RNLS: variants seen among roughly 807,000 people sequenced by gnomAD.
The protein encoded by RNLS is renalase.
A neutral mutation model predicts 39.8 loss-of-function variants in RNLS; 39 were observed. That is an observed-to-expected ratio of 0.98 (90% CI 0.76 to 1.28). The LOEUF (loss-of-function observed/expected upper bound fraction) is 1.28. RNLS is among the 50% of genes most tolerant of loss of function. RNLS has a pLI of 0.00. For synonymous variants in RNLS, 147 were observed against 150.7 expected (o/e 0.98, Z 0.18); for missense variants, 410 against 413.3 (o/e 0.99, Z 0.07).
chr10:88,427,525 C>T (rs1367136575), intron 4 of RNLS, among the ~76,000 whole-genome samples: 1 of 151,886 alleles, frequency 6.6e-6, no homozygotes, highest in Non-Finnish European at 1.5e-5. Flanking sequence ...TTGTAAACTC[C>T]AGATGCAGGC....
chr10:88,388,473 T>C (rs1249688200), intron 4 of RNLS, among the ~76,000 whole-genome samples: 1 of 152,212 alleles, frequency 6.6e-6, no homozygotes, highest in African/African-American at 2.4e-5. Flanking sequence ...TTTGCCTCAC[T>C]CTGCCTAGGA....
rs141446612 is a variant in RNLS at position 88,339,825 on chromosome 10, C to T, written c.700+22727G>A. ...GCTAAAGGATGAGACACACTTAGCA[C>T]ACACACAAGTGAATATGTATGTATG... On this transcript the variant is annotated intron_variant, in intron 5 of 6. Transcript: ENST00000331772. Among the ~76,000 whole-genome samples the T allele has an allele frequency of 7.6e-3, 1,156 of 152,258 alleles. 6 individuals carry two copies. The highest frequency in any genetic ancestry group is 0.013 in the Non-Finnish European group (868 of 68,024).
chr10:88,482,121 C>T (rs1392314629), intron 4 of RNLS, among the ~76,000 whole-genome samples: 1 of 151,956 alleles, frequency 6.6e-6, no homozygotes, highest in Non-Finnish European at 1.5e-5. Flanking sequence ...TGTTGTGTGT[C>T]GAGATGTGGA....
At chr10:88,175,003 A>T in the RNLS span, among the ~76,000 whole-genome samples, 1 of 152,128 alleles carries the variant, frequency 6.6e-6, no homozygotes, top group Non-Finnish European at 1.5e-5. Flanking sequence ...ATATGTGACC[A>T]GATGTTTATT....
chr10:88,437,400 C>A (rs560691180), intron 4 of RNLS, among the ~76,000 whole-genome samples: 5 of 152,112 alleles, frequency 3.3e-5, no homozygotes, highest in Admixed American at 6.5e-5. Flanking sequence ...ATTTATGGTA[C>A]AATTTATTTT....
chr10:88,304,794 C>A (rs1344863854), intron 6 of RNLS, among the ~76,000 whole-genome samples: 1 of 152,022 alleles, frequency 6.6e-6, no homozygotes, highest in Admixed American at 6.5e-5. Context: ...TGAGAGCCTC[C>A]CCATCCTAGC....
At chr10:88,248,212 CACTT>C in the RNLS span, among the ~76,000 whole-genome samples, 1 of 152,210 alleles carries the variant, frequency 6.6e-6, no homozygotes, top group African/African-American at 2.4e-5. Context: ...ATCTATATCA[CACTT>C]ACGTATCTAG....
chr10:88,572,960 T>C lies in RNLS; in HGVS notation c.469A>G (p.Ile157Val). The C allele has an allele frequency of 6.2e-7, 1 of 1,614,044 alleles. No homozygotes were observed. The highest frequency in any genetic ancestry group is 8.5e-7 in the Non-Finnish European group (1 of 1,179,932). The change falls in exon 4 of 7, where the codon ATT (isoleucine) becomes GTT (valine). Residue 157 changes from isoleucine to valine, a missense_variant. By Grantham distance (29) the Ile-to-Val change is conservative. Transcript: ENST00000331772. ...QTGSPEQFDL[I>V]VLTMPVPEIL... is the part of the protein sequence containing the mutation. The stretch of plus-strand genomic sequence containing the variant: ...TCAGGAACTGGCATTGTGAGAACAA[T>C]AAGATCAAACTGCTCAGGGGAGCCT...
At chr10:88,578,038 A>AGTT (rs1212999801) in intron 3 of RNLS, among the ~76,000 whole-genome samples, 3 of 152,192 alleles carry the variant, frequency 2.0e-5, no homozygotes, top group Non-Finnish European at 4.4e-5. Context: ...TTTTGAAAAT[A>AGTT]GTTGGCAATT....
rs569259792 is a variant in RNLS at position 88,405,757 on chromosome 10, C to T, written c.527-43032G>A. Among the ~76,000 whole-genome samples the T allele has an allele frequency of 4.6e-5, 7 of 151,948 alleles. No homozygotes were observed. The East Asian group carries it at 1.4e-3, about 29-fold the overall frequency. ...CATCATGCTCTTTATTGGCTGTGTG[C>T]TTTGGGTTTATTTTTATTTTTTGTT... On this transcript the variant is annotated intron_variant, in intron 4 of 6. Coordinates refer to ENST00000331772, the MANE Select transcript of RNLS (RefSeq NM_001031709.3).
chr10:88,351,635 T>G (rs1379238131), intron 5 of RNLS, among the ~76,000 whole-genome samples: 1 of 152,352 alleles, frequency 6.6e-6, no homozygotes, highest in South Asian at 2.1e-4. Context: ...TACTGTAGCC[T>G]TGTAGTATAG....
chr10:88,429,183 C>T (rs1854994883), intron 4 of RNLS, among the ~76,000 whole-genome samples: 1 of 151,894 alleles, frequency 6.6e-6, no homozygotes, highest in Admixed American at 6.6e-5. Flanking sequence ...AGGGCCGCCA[C>T]TTTCTAGCAG....
chr10:88,466,535 C>T (rs765339193), intron 4 of RNLS, among the ~76,000 whole-genome samples: 2 of 152,124 alleles, frequency 1.3e-5, no homozygotes, highest in Non-Finnish European at 2.9e-5. Flanking sequence ...TGTGAATGGG[C>T]TTCCTATTGT....
intron 6 of RNLS, among the ~76,000 whole-genome samples, chr10:88,299,674 A>C (rs1265215603): frequency 6.6e-6 from 1 of 152,200 alleles, no homozygotes; most frequent in Non-Finnish European, 1.5e-5. Flanking sequence ...ATTTTCTCTT[A>C]TGTTTTCATC....
chr10:88,304,503 C>T (rs919021652), intron 6 of RNLS, among the ~76,000 whole-genome samples: 1 of 152,122 alleles, frequency 6.6e-6, no homozygotes, highest in Non-Finnish European at 1.5e-5. Flanking sequence ...CATAACTGAC[C>T]TGAAAGAGCT....
chr10:88,185,220 GATTC>G, the RNLS span, among the ~76,000 whole-genome samples: 1 of 152,018 alleles, frequency 6.6e-6, no homozygotes, highest in African/African-American at 2.4e-5. Context: ...ATACAACACA[GATTC>G]ATTAATTCAT....
the RNLS span, among the ~76,000 whole-genome samples, chr10:88,207,591 A>T: frequency 2.0e-5 from 3 of 152,208 alleles, no homozygotes; most frequent in Non-Finnish European, 2.9e-5. Context: ...GAATCTTTTA[A>T]AAAGAGAAGA....
chr10:88,242,986 GGAGT>G, the RNLS span, among the ~76,000 whole-genome samples: 2 of 149,482 alleles, frequency 1.3e-5, no homozygotes, highest in Admixed American at 6.6e-5. Flanking sequence ...AACCCATAAG[GGAGT>G]GAGGAAACCT....
chr10:88,510,359 TTTAAA>T (rs1846051642), intron 4 of RNLS, among the ~76,000 whole-genome samples: 2 of 152,144 alleles, frequency 1.3e-5, no homozygotes, highest in South Asian at 4.1e-4. Flanking sequence ...ATATAATTTG[TTTAAA>T]TTATTCAAAT....
Sources: gnomAD v4.1 joint callset for allele counts (sites outside exome capture counted in the v4.1 genomes callset) on GRCh38, gnomAD v4.1.1 for gene constraint, MANE v1.5 for transcripts, NCBI Gene and HGNC (gene_info 2026-07-23, HGNC 2026-07-21) for gene names.